SPIN1: variants seen among roughly 807,000 people sequenced by gnomAD.
The protein encoded by SPIN1 is spindlin-1.
SPIN1 carries 3 observed loss-of-function variants against 26.0 expected under a neutral mutation model. That is an observed-to-expected ratio of 0.12 (90% confidence interval 0.05 to 0.30). SPIN1 has a LOEUF of 0.30. SPIN1 is among the 10% of genes least tolerant of loss of function. The probability of loss-of-function intolerance (pLI) is 1.00; values close to 1 mark genes in which losing one functional copy is unlikely to be tolerated. For missense variants in SPIN1, 126 were observed against 333.4 expected (o/e 0.38, Z 4.84); for synonymous variants, 101 against 116.5 (o/e 0.87, Z 0.86).
intron 2 of SPIN1, among the ~76,000 whole-genome samples, chr9:88,442,271 A>C (rs1017963805): frequency 6.6e-6 from 1 of 151,822 alleles, no homozygotes; most frequent in African/African-American, 2.4e-5. Context: ...GTAAGTTAGT[A>C]GTTTTTTTTC....
chr9:88,405,796 A>G (rs959512229), intron 1 of SPIN1, among the ~76,000 whole-genome samples: 1 of 151,906 alleles, frequency 6.6e-6, no homozygotes, highest in Non-Finnish European at 1.5e-5. Context: ...AAAGACGGCT[A>G]TGAAATCACT....
Position 88,426,396 on chromosome 9 carries a change from C to T in SPIN1, c.-144C>T, listed in dbSNP as rs1827765948. On this transcript the variant is annotated 5_prime_UTR_variant, in exon 2 of 6. Transcript: ENST00000375859. Reference sequence around the variant, plus strand: ...CTATTTTACAGAGTGCTTGTGATTTCACGTATTTTTGCTGAACTCGTAAAA... The same window carrying T: ...CTATTTTACAGAGTGCTTGTGATTTTACGTATTTTTGCTGAACTCGTAAAA... 1.7e-6 allele frequency: 1 copy of T among 598,164 alleles called. No individual in the cohort carries two copies. Among genetic ancestry groups the T allele is most frequent in the East Asian group, 3.0e-5 (1 of 33,506 alleles). The allele number at this position is 598,164 out of a possible 1,614,324, so 37.1% of individuals were successfully genotyped here. A position where few individuals can be genotyped will look rare whatever the true frequency, so the allele number is the denominator to read the frequency against.
chr9:88,417,196 C>T (rs747302147), intron 1 of SPIN1, among the ~76,000 whole-genome samples: 3 of 152,000 alleles, frequency 2.0e-5, no homozygotes, highest in African/African-American at 4.8e-5. Flanking sequence ...ATGTTTTTTT[C>T]GTATAAATGT....
At chr9:88,399,112 A>G (rs777442235) in intron 1 of SPIN1, among the ~76,000 whole-genome samples, 40 of 149,284 alleles carry the variant, frequency 2.7e-4, no homozygotes, top group Non-Finnish European at 5.3e-4. Context: ...GCTCACTGCA[A>G]CCTCCGCCTC....
chr9:88,393,579 C>G (rs1055987090), intron 1 of SPIN1, among the ~76,000 whole-genome samples: 2 of 150,762 alleles, frequency 1.3e-5, no homozygotes, highest in Non-Finnish European at 2.9e-5. Context: ...CCTCAGCCTC[C>G]CGAATAGCTG....
intron 1 of SPIN1, among the ~76,000 whole-genome samples, chr9:88,423,446 G>T (rs1408305906): frequency 6.6e-6 from 1 of 151,802 alleles, no homozygotes; most frequent in African/African-American, 2.4e-5. Flanking sequence ...TTGTTTGTTT[G>T]TTTGTTTGTT....
Position 88,426,426 on chromosome 9 carries a change from CA to C in SPIN1, c.-113del. On this transcript the variant is annotated 5_prime_UTR_variant, in exon 2 of 6. Transcript: ENST00000375859. ...ATTTTTGCTGAACTCGTAAAAGAGA[CA>C]CTTGGATGGTGGATTAACCAGAACA... is the stretch of plus-strand genomic sequence containing the variant. 2.7e-6 allele frequency: 2 copies of C among 753,910 alleles called. No individual in the cohort carries two copies. 46.7% of individuals were successfully genotyped at this position (753,910 alleles called of 1,614,324 possible).
intron 1 of SPIN1, among the ~76,000 whole-genome samples, chr9:88,389,042 G>T (rs1189014756): frequency 6.6e-6 from 1 of 151,816 alleles, no homozygotes; most frequent in Non-Finnish European, 1.5e-5. Flanking sequence ...GGCGCGACGG[G>T]TCGGGTCACC....
chr9:88,471,894 G>A (rs775161626), intron 5 of SPIN1, among the ~76,000 whole-genome samples: 8 of 151,756 alleles, frequency 5.3e-5, no homozygotes, highest in Non-Finnish European at 1.0e-4. Context: ...ATAGTGGCAC[G>A]ATCTCGGCTC....
rs1469762617 is a variant in SPIN1, at chr9:88,474,984, A to G, written c.590-94A>G. On this transcript the variant is annotated intron_variant, in intron 5 of 5. Transcript: ENST00000375859. The stretch of plus-strand genomic sequence containing the variant: ...AGGCTATTAAAATTTTTTTTAAGTT[A>G]TGAAAATAAATATGTGAGTTGATTT... 8 of 1,265,600 alleles carry G rather than the reference A, an allele frequency of 6.3e-6. No homozygotes were observed. The East Asian group carries it at 2.1e-4, about 33-fold the overall frequency. 78.4% of individuals were successfully genotyped at this position (1,265,600 alleles called of 1,614,324 possible). A position where few individuals can be genotyped will look rare whatever the true frequency, so the allele number is the denominator to read the frequency against.
intron 1 of SPIN1, among the ~76,000 whole-genome samples, chr9:88,420,609 C>T (rs1056525854): frequency 3.3e-5 from 5 of 152,122 alleles, no homozygotes; most frequent in Non-Finnish European, 5.9e-5. Context: ...TTTTCCTTTT[C>T]CAATTTAAAA....
chr9:88,409,649 CA>C (rs1827394681), intron 1 of SPIN1, among the ~76,000 whole-genome samples: 1 of 151,646 alleles, frequency 6.6e-6, no homozygotes. Context: ...TCCTGGCTAA[CA>C]TGGTGAAACC....
At chr9:88,447,376 CT>C (rs753893497) in intron 2 of SPIN1, among the ~76,000 whole-genome samples, 5 of 152,066 alleles carry the variant, frequency 3.3e-5, no homozygotes, top group East Asian at 3.9e-4. Flanking sequence ...CAATCTGCTA[CT>C]TTTTTTTGTG....
intron 2 of SPIN1, among the ~76,000 whole-genome samples, chr9:88,441,583 C>A (rs1828130313): frequency 6.6e-6 from 1 of 151,502 alleles, no homozygotes; most frequent in Non-Finnish European, 1.5e-5. Context: ...TGTAGTGAGA[C>A]CCCATCTCTA....
At chr9:88,406,740 C>T (rs143860170) in intron 1 of SPIN1, among the ~76,000 whole-genome samples, 1 of 152,028 alleles carries the variant, frequency 6.6e-6, no homozygotes, top group East Asian at 1.9e-4. Flanking sequence ...TTTTCCTGTC[C>T]TTTCTTGCCT....
chr9:88,409,465 C>T (rs1268302856), intron 1 of SPIN1, among the ~76,000 whole-genome samples: 1 of 151,970 alleles, frequency 6.6e-6, no homozygotes, highest in Non-Finnish European at 1.5e-5. Context: ...ATGCTTATTT[C>T]TATCTCAGGC....
At chr9:88,412,618 C>T (rs1827473317) in intron 1 of SPIN1, among the ~76,000 whole-genome samples, 1 of 151,966 alleles carries the variant, frequency 6.6e-6, no homozygotes, top group Non-Finnish European at 1.5e-5. Context: ...CAACAGAAAC[C>T]AATTATATTT....
intron 2 of SPIN1, among the ~76,000 whole-genome samples, chr9:88,442,792 G>A (rs181196815): frequency 6.6e-6 from 1 of 151,972 alleles, no homozygotes; most frequent in East Asian, 1.9e-4. Flanking sequence ...GAGCTTCCTG[G>A]ATTTGTGGTT....
chr9:88,410,541 G>C lies in SPIN1; in HGVS notation c.-158-15841G>C. 3 of 803,300 alleles carry C rather than the reference G, an allele frequency of 3.7e-6. No homozygotes were observed. In the South Asian group the frequency reaches 4.0e-5, roughly 11 times the overall value. The allele number at this position is 803,300 out of a possible 1,614,324, so 49.8% of individuals were successfully genotyped here. On this transcript the variant is annotated intron_variant, in intron 1 of 5. Coordinates refer to ENST00000375859, the MANE Select transcript of SPIN1 (RefSeq NM_006717.3). Reference sequence around the variant, plus strand: ...CTTTGTTACCTAATTAAAATCTTCTGCTACTGCCATAGCTACTGCTGCTAC... The same window carrying C: ...CTTTGTTACCTAATTAAAATCTTCTCCTACTGCCATAGCTACTGCTGCTAC...
Sources: gnomAD v4.1 joint callset for allele counts (sites outside exome capture counted in the v4.1 genomes callset) on GRCh38, gnomAD v4.1.1 for gene constraint, MANE v1.5 for transcripts, NCBI Gene and HGNC (gene_info 2026-07-23, HGNC 2026-07-21) for gene names.